Variants in KHDRBS2 observed in about 807,000 individuals in gnomAD.
The protein encoded by KHDRBS2 is KH domain-containing, RNA-binding, signal transduction-associated protein 2.
KHDRBS2 carries 26 observed loss-of-function variants against 44.3 expected under a neutral mutation model. That is an observed-to-expected ratio of 0.59 (90% CI 0.43 to 0.81). The LOEUF (loss-of-function observed/expected upper bound fraction) is 0.81, where lower values mean the gene tolerates loss of function less well. KHDRBS2 is among the 40% of genes least tolerant of loss of function. The probability of loss-of-function intolerance (pLI) is 0.00; values close to 1 mark genes in which losing one functional copy is unlikely to be tolerated. For synonymous variants in KHDRBS2, 194 were observed against 151.1 expected, an observed-to-expected ratio of 1.28 and a Z score of -2.08; for missense variants, 476 against 433.1, an observed-to-expected ratio of 1.10 and a Z score of -0.88.
chr6:61,581,205 C>T, the KHDRBS2 span, among the ~76,000 whole-genome samples: 2 of 151,148 alleles, frequency 1.3e-5, no homozygotes, highest in African/African-American at 4.9e-5. Flanking sequence ...TGCAAAAGTG[C>T]ATTGCCATGC....
rs762306671 is a variant in KHDRBS2, at chr6:61,860,226, A to G, written c.810+34409T>C. Among the ~76,000 whole-genome samples the G allele has an allele frequency of 1.7e-3, 252 of 151,976 alleles. 5 individuals carry two copies. The highest frequency in any genetic ancestry group is 0.016 in the Admixed American group (237 of 15,228). The stretch of plus-strand genomic sequence containing the variant: ...AAGTTTAAAAGCAACCAGAGACACA[A>G]AAATTCCCCACAAGAAGAGATAGAC... On this transcript the variant is annotated intron_variant, in intron 6 of 8. Coordinates refer to ENST00000281156, the MANE Select transcript of KHDRBS2 (RefSeq NM_152688.4).
At chr6:61,964,675 A>G (rs1769510486) in intron 4 of KHDRBS2, among the ~76,000 whole-genome samples, 1 of 152,112 alleles carries the variant, frequency 6.6e-6, no homozygotes, top group African/African-American at 2.4e-5. Context: ...TGATTTACAG[A>G]TACTGAGTTA....
chr6:61,649,821 G>A, the KHDRBS2 span, among the ~76,000 whole-genome samples: 1 of 152,076 alleles, frequency 6.6e-6, no homozygotes, highest in African/African-American at 2.4e-5. Flanking sequence ...TTACTCTAAT[G>A]TTCTGCTAGA....
the KHDRBS2 span, among the ~76,000 whole-genome samples, chr6:61,642,374 G>A: frequency 1.3e-5 from 2 of 151,754 alleles, no homozygotes; most frequent in Admixed American, 6.6e-5. Flanking sequence ...ATAATTTTTA[G>A]GCCAGGCGCT....
At chr6:61,864,270 T>C (rs548519657) in intron 6 of KHDRBS2, among the ~76,000 whole-genome samples, 1 of 152,292 alleles carries the variant, frequency 6.6e-6, no homozygotes, top group African/African-American at 2.4e-5. Flanking sequence ...CTTAGGCCAT[T>C]TACATTTAAG....
At chr6:62,134,263 G>A (rs560579914) in intron 2 of KHDRBS2, among the ~76,000 whole-genome samples, 1 of 152,272 alleles carries the variant, frequency 6.6e-6, no homozygotes, top group South Asian at 2.1e-4. Flanking sequence ...ATAGCTAAAA[G>A]AGGCCAAGGT....
chr6:62,161,184 G>C (rs961190675), intron 2 of KHDRBS2, among the ~76,000 whole-genome samples: 14 of 151,802 alleles, frequency 9.2e-5, no homozygotes, highest in Non-Finnish European at 2.1e-4. Flanking sequence ...TGGATATAAT[G>C]TGAGTCTCTT....
intron 6 of KHDRBS2, among the ~76,000 whole-genome samples, chr6:61,832,251 A>T (rs1011621938): frequency 1.1e-4 from 16 of 152,200 alleles, no homozygotes; most frequent in Non-Finnish European, 2.1e-4. Flanking sequence ...ACAACAAAAA[A>T]AGGAAAGTAT....
chr6:61,862,552 C>A (rs944273877), intron 6 of KHDRBS2, among the ~76,000 whole-genome samples: 34 of 151,986 alleles, frequency 2.2e-4, no homozygotes, highest in African/African-American at 8.2e-4. Context: ...TTACTGAAGG[C>A]CTTTTCTATA....
At chr6:61,634,205 G>T in the KHDRBS2 span, among the ~76,000 whole-genome samples, 1 of 151,552 alleles carries the variant, frequency 6.6e-6, no homozygotes, top group East Asian at 1.9e-4. Context: ...ACTCCCAGTG[G>T]CCGGGTCAGA....
At chr6:62,052,446 T>C (rs1167345843) in intron 2 of KHDRBS2, among the ~76,000 whole-genome samples, 1 of 151,804 alleles carries the variant, frequency 6.6e-6, no homozygotes, top group African/African-American at 2.4e-5. Context: ...TGAAACTGTT[T>C]ACCATGGTTG....
chr6:62,219,926 T>C (rs1472958559), intron 1 of KHDRBS2, among the ~76,000 whole-genome samples: 5 of 147,536 alleles, frequency 3.4e-5, no homozygotes, highest in African/African-American at 1.2e-4. Context: ...TGAAATTATA[T>C]ATATATATTA....
chr6:61,941,176 A>C (rs182270470), intron 4 of KHDRBS2, among the ~76,000 whole-genome samples: 2 of 152,162 alleles, frequency 1.3e-5, no homozygotes, highest in Admixed American at 6.5e-5. Flanking sequence ...AATCATTGGC[A>C]TCTGAACCTT....
chr6:61,866,414 G>A (rs11961671), intron 6 of KHDRBS2, among the ~76,000 whole-genome samples: 6,828 of 152,288 alleles, frequency 0.045, 199 homozygotes, highest in Middle Eastern at 0.088. Flanking sequence ...GGAGCAGCTC[G>A]GATGCAGGGC....
At chr6:61,601,360 C>T in the KHDRBS2 span, among the ~76,000 whole-genome samples, 1 of 152,070 alleles carries the variant, frequency 6.6e-6, no homozygotes, top group Non-Finnish European at 1.5e-5. Flanking sequence ...TCTCCCTTAG[C>T]CTGTGTTCTC....
chr6:61,753,487 C>T (rs1778049184), intron 6 of KHDRBS2, among the ~76,000 whole-genome samples: 1 of 152,144 alleles, frequency 6.6e-6, no homozygotes, highest in South Asian at 2.1e-4. Context: ...TCATAAACAT[C>T]TTTCTTTAAG....
At chr6:61,651,846 G>C in the KHDRBS2 span, among the ~76,000 whole-genome samples, 1 of 152,068 alleles carries the variant, frequency 6.6e-6, no homozygotes, top group Non-Finnish European at 1.5e-5. Flanking sequence ...GTAAAGAAGT[G>C]GGAGGCTGTA....
chr6:61,774,836 C>G (rs1430362549), intron 6 of KHDRBS2, among the ~76,000 whole-genome samples: 1 of 151,784 alleles, frequency 6.6e-6, no homozygotes, highest in Admixed American at 6.6e-5. Flanking sequence ...GAGACACAAC[C>G]AAAAAAGAGA....
At chr6:62,202,567 A>G (rs898870067) in intron 1 of KHDRBS2, among the ~76,000 whole-genome samples, 1 of 152,114 alleles carries the variant, frequency 6.6e-6, no homozygotes, top group Non-Finnish European at 1.5e-5. Flanking sequence ...AAAATAGAAC[A>G]AAGTCTCTAG....
Sources: allele counts gnomAD v4.1 joint callset (sites outside exome capture counted in the v4.1 genomes callset), GRCh38; gene constraint gnomAD v4.1.1; transcripts MANE v1.5; gene names NCBI Gene and HGNC (gene_info 2026-07-23, HGNC 2026-07-21).